The following C6orf132 variants were observed in gnomAD, a reference collection of about 807,000 sequenced individuals.
C6orf132 encodes the protein chromosome 6 open reading frame 132.
C6orf132 carries 43 observed loss-of-function variants against 65.3 expected under a neutral mutation model. The observed-to-expected ratio is 0.66, with a 90% CI of 0.52 to 0.85. C6orf132 has a LOEUF of 0.85. C6orf132 is among the 40% of genes least tolerant of loss of function. The pLI is 0.00. For synonymous variants in C6orf132, 631 were observed against 654.1 expected, an observed-to-expected ratio of 0.96 and a Z score of 0.54; for missense variants, 1,488 against 1,548.8, an observed-to-expected ratio of 0.96 and a Z score of 0.66.
Position 42,106,551 on chromosome 6 carries a change from G to A in C6orf132, c.1361C>T (p.Ala454Val), listed in dbSNP as rs1562033338. ...CCTCCAGTCCACAGGTGCTGAAGAC[G>A]CTGTGTTCTCTGGGCTGGGGGGGTT... is the stretch of plus-strand genomic sequence containing the variant. ...KPNPPSPENT[A>V]SSAPVDWRDP... Residue 454 changes from alanine (A) to valine (V), a missense_variant, in exon 4 of 5, where the codon GCG becomes GTG. Ala to Val is a moderately conservative substitution (Grantham distance 64). Transcript: ENST00000341865. The A allele has an allele frequency of 4.6e-6, 7 of 1,536,440 alleles. No individual in the cohort carries two copies. The highest frequency in any genetic ancestry group is 2.4e-5 in the East Asian group (1 of 40,908).
intron 2 of C6orf132, among the ~76,000 whole-genome samples, chr6:42,122,787 G>A (rs1401257115): frequency 6.6e-6 from 1 of 152,136 alleles, no homozygotes. Context: ...TCAGCAGCAA[G>A]GACTAAGGGA....
rs561908267 is a variant in C6orf132 at position 42,122,427 on chromosome 6, C to T, written c.252+6245G>A. ...CTGTGAGTCCATGGGGACAAAGAGG[C>T]GGCTGTTTATGGGCCAGGATGAAGG... On this transcript the variant is annotated intron_variant, in intron 2 of 4. Coordinates refer to ENST00000341865, the MANE Select transcript of C6orf132 (RefSeq NM_001164446.3). Among the ~76,000 whole-genome samples, 8 of 152,266 alleles carry T rather than the reference C, an allele frequency of 5.3e-5. No individual in the cohort carries two copies. The South Asian group carries it at 8.3e-4, about 16-fold the overall frequency.
intron 1 of C6orf132, among the ~76,000 whole-genome samples, chr6:42,131,034 C>T (rs367565919): frequency 7.9e-5 from 12 of 152,190 alleles, no homozygotes; most frequent in African/African-American, 2.2e-4. Context: ...TACAGGTGTG[C>T]ACCACCACGC....
rs1374486578 is a variant in C6orf132 at position 42,106,212 on chromosome 6, C to T, written c.1700G>A (p.Arg567Gln). 12 of 1,537,078 alleles carry T rather than the reference C, an allele frequency of 7.8e-6. No individual in the cohort carries two copies. Among genetic ancestry groups the T allele is most frequent in the African/African-American group, 6.8e-5 (5 of 73,040 alleles). The change falls in exon 4 of 5, where the codon CGG (arginine) becomes CAG (glutamine). Residue 567 changes from arginine to glutamine, a missense_variant. Transcript: ENST00000341865. The part of the protein sequence containing the change: ...DSPTPSVRQI[R>Q]NELEARLSSA... ...GGAGAGCCGGGCCTCCAGCTCATTC[C>T]GGATCTGCCGCACACTGGGAGTTGG...
In C6orf132 at chr6:42,136,634, C is replaced by A. The variant is rs539430467; in HGVS notation, c.145+5666G>T. On this transcript the variant is annotated intron_variant, in intron 1 of 4. Transcript: ENST00000341865. Reference sequence around the variant, plus strand: ...CTGCCTTTCAGGGAAGCAGCGGGGGCGGCCCCATGTGAATGTAACTCACAG... The same window carrying A: ...CTGCCTTTCAGGGAAGCAGCGGGGGAGGCCCCATGTGAATGTAACTCACAG... Among the ~76,000 whole-genome samples the A allele has an allele frequency of 2.3e-4, 35 of 152,292 alleles. No individual in the cohort carries two copies. In the South Asian group the frequency reaches 7.1e-3, roughly 31 times the overall value.
At chr6:42,111,591 T>A (rs1766496321) in intron 2 of C6orf132, among the ~76,000 whole-genome samples, 1 of 151,954 alleles carries the variant, frequency 6.6e-6, no homozygotes, top group Admixed American at 6.6e-5. Flanking sequence ...CCTGGCTAAT[T>A]TTTTGTATAT....
chr6:42,104,393 G>C lies in C6orf132; in HGVS notation c.3449+70C>G. 8.2e-7 allele frequency: 1 copy of C among 1,226,938 alleles called. No individual in the cohort carries two copies. The highest frequency in any genetic ancestry group is 1.0e-6 in the Non-Finnish European group (1 of 985,182). 76.0% of individuals were successfully genotyped at this position (1,226,938 alleles called of 1,614,324 possible). ...AAATGTTTTCTCTTGACGGATGGCC[G>C]GGACTCCTTGGCCCTCGCCTGGCTT... is the stretch of plus-strand genomic sequence containing the variant. On this transcript the variant is annotated intron_variant, in intron 4 of 4. Transcript: ENST00000341865. This position sits in a 1 kb window ranked among gnomAD's most constrained non-coding sequence, Gnocchi z 4.1.
Position 42,110,227 on chromosome 6 carries a change from T to C in C6orf132, c.317A>G (p.Lys106Arg). The change falls in exon 3 of 5, where the codon AAA (lysine) becomes AGA (arginine). Residue 106 changes from lysine to arginine, a missense_variant. By Grantham distance (26) the Lys-to-Arg change is conservative. Coordinates refer to ENST00000341865, the MANE Select transcript of C6orf132 (RefSeq NM_001164446.3). ...TPSVPDDFAD[K>R]EVTGTSSLVN... The stretch of plus-strand genomic sequence containing the variant: ...CAGGGTTCACTTACCTGTCACTTCT[T>C]TGTCTGCAAAATCATCTGGAACCGA... 1.9e-6 allele frequency: 3 copies of C among 1,549,014 alleles called. No homozygotes were observed. The South Asian group carries it at 3.6e-5, about 19-fold the overall frequency.
intron 2 of C6orf132, 23 bp from the exon 3 acceptor site, chr6:42,110,314 C>A: frequency 6.5e-7 from 1 of 1,527,884 alleles, no homozygotes; most frequent in Non-Finnish European, 8.8e-7. Flanking sequence ...AGAAAGAAAT[C>A]AGGGGACAGG....
chr6:42,120,536 G>A (rs576017435), intron 2 of C6orf132, among the ~76,000 whole-genome samples: 94 of 151,922 alleles, frequency 6.2e-4, no homozygotes, highest in Non-Finnish European at 1.0e-3. Flanking sequence ...TTGAGCCACC[G>A]TGCCCGGCCT....
chr6:42,123,331 C>T (rs754176350), intron 2 of C6orf132, among the ~76,000 whole-genome samples: 2 of 150,704 alleles, frequency 1.3e-5, no homozygotes, highest in Non-Finnish European at 3.0e-5. Flanking sequence ...TGCAGTGAGC[C>T]GAGATCGCAC....
At chr6:42,108,134 G>A (rs962777627) in intron 3 of C6orf132, among the ~76,000 whole-genome samples, 3 of 152,130 alleles carry the variant, frequency 2.0e-5, no homozygotes, top group Non-Finnish European at 2.9e-5. Flanking sequence ...CTTTGAGTGC[G>A]CCATCTGTTT....
At position 42,105,189 on chromosome 6, in the gene C6orf132, A is replaced by G. The variant is rs745398490; in HGVS notation, c.2723T>C (p.Leu908Pro). Reference protein sequence around the residue: ...LPKEAEKDSPLTTEIPNKWGP... With the variant: ...LPKEAEKDSPPTTEIPNKWGP... ...CCACTTATTGGGTATTTCGGTCGTC[A>G]GCGGGGAGTCCTTCTCAGCCTCCTT... Residue 908 changes from leucine (L) to proline (P), a missense_variant, in exon 4 of 5, where the codon CTG (leucine) becomes CCG (proline). Coordinates refer to ENST00000341865, the MANE Select transcript of C6orf132 (RefSeq NM_001164446.3). 3.2e-5 allele frequency: 49 copies of G among 1,537,014 alleles called. No individual in the cohort carries two copies. Among genetic ancestry groups the G allele is most frequent in the Non-Finnish European group, 1.0e-5 (12 of 1,146,872 alleles).
intron 2 of C6orf132, 48 bp from the exon 3 acceptor site, chr6:42,110,339 T>C (rs1221938054): frequency 9.0e-6 from 13 of 1,451,926 alleles, no homozygotes; most frequent in Non-Finnish European, 1.1e-5. Flanking sequence ...GATGGACAGA[T>C]AATTCTCAAA....
rs866746208 is a variant in C6orf132, at chr6:42,103,042, C to T, written c.*719G>A. 3 of 398,650 alleles carry T rather than the reference C, an allele frequency of 7.5e-6. No homozygotes were observed. The highest frequency in any genetic ancestry group is 1.3e-5 in the Non-Finnish European group (3 of 226,154). The allele number at this position is 398,650 out of a possible 1,614,324, so 24.7% of individuals were successfully genotyped here. A position where few individuals can be genotyped will look rare whatever the true frequency, so the allele number is the denominator to read the frequency against. ...ACTTGCCAAGTGTCCTCTCTCTAGG[C>T]CTCCCTGTAGCTAAGGGCTAGGGCC... is the stretch of plus-strand genomic sequence containing the variant. On this transcript the variant is annotated 3_prime_UTR_variant, in exon 5 of 5. Coordinates refer to ENST00000341865, the MANE Select transcript of C6orf132 (RefSeq NM_001164446.3).
Position 42,104,240 on chromosome 6 carries a change from G to A in C6orf132, c.3449+223C>T, listed in dbSNP as rs564898293. On this transcript the variant is annotated intron_variant, in intron 4 of 4. Transcript: ENST00000341865. This position sits in a 1 kb window ranked among gnomAD's most constrained non-coding sequence, Gnocchi z 4.1. Reference sequence around the variant, plus strand: ...GGATCTAGCGGGCAGGAGAGAGACAGACGAGAGGAGCTGGTGGGGAAAGAG... The same window carrying A: ...GGATCTAGCGGGCAGGAGAGAGACAAACGAGAGGAGCTGGTGGGGAAAGAG... Among the ~76,000 whole-genome samples the A allele has an allele frequency of 1.3e-5, 2 of 152,240 alleles. No individual in the cohort carries two copies. Among genetic ancestry groups the A allele is most frequent in the Admixed American group, 6.5e-5 (1 of 15,310 alleles).
chr6:42,119,567 G>A (rs1164348425), intron 2 of C6orf132, among the ~76,000 whole-genome samples: 1 of 151,344 alleles, frequency 6.6e-6, no homozygotes, highest in East Asian at 2.0e-4. Context: ...GGCTGCTCTC[G>A]AACTCCTGGC....
In C6orf132 at chr6:42,103,868, T is replaced by C; in HGVS notation, c.3460A>G (p.Thr1154Ala). 1 of 1,464,432 alleles carries C rather than the reference T, an allele frequency of 6.8e-7. No homozygotes were observed. The highest frequency in any genetic ancestry group is 9.0e-7 in the Non-Finnish European group (1 of 1,110,882). The allele number at this position is 1,464,432 out of a possible 1,614,324, so 90.7% of individuals were successfully genotyped here. ...FAPAAGRSPYTTTRYGSPINT... is the reference protein window; with the variant it reads ...FAPAAGRSPYATTRYGSPINT... ...ATGGGGCTTCCATAGCGGGTGGTGGTGTAGGGAGACCTGGGGGAGAGCAAG... is the reference window on the plus strand; with the variant it reads ...ATGGGGCTTCCATAGCGGGTGGTGGCGTAGGGAGACCTGGGGGAGAGCAAG... Residue 1154 changes from threonine (T) to alanine (A), a missense_variant, in exon 5 of 5, where the codon ACC becomes GCC. Thr to Ala is a moderately conservative substitution (Grantham distance 58). Coordinates refer to ENST00000341865, the MANE Select transcript of C6orf132 (RefSeq NM_001164446.3).
intron 2 of C6orf132, among the ~76,000 whole-genome samples, chr6:42,113,998 C>T (rs1562035731): frequency 6.6e-6 from 1 of 152,122 alleles, no homozygotes. Flanking sequence ...ACAATCAAAG[C>T]TAAGCTCCCT....
Sources: allele counts gnomAD v4.1 joint callset (sites outside exome capture counted in the v4.1 genomes callset), GRCh38; gene constraint gnomAD v4.1.1; non-coding constraint Gnocchi (gnomAD v3.1); transcripts MANE v1.5; gene names NCBI Gene and HGNC (gene_info 2026-07-23, HGNC 2026-07-21).